NLGN1: variants seen among roughly 807,000 people sequenced by gnomAD.
NLGN1 encodes the protein neuroligin-1.
NLGN1 carries 12 observed loss-of-function variants against 65.5 expected under a neutral mutation model. That is an observed-to-expected ratio of 0.18 (90% CI 0.12 to 0.30). The LOEUF is 0.30. NLGN1 is among the 10% of genes least tolerant of loss of function. The probability of loss-of-function intolerance (pLI) is 1.00; values close to 1 mark genes in which losing one functional copy is unlikely to be tolerated. For synonymous variants in NLGN1, 350 were observed against 359.5 expected, an observed-to-expected ratio of 0.97 and a Z score of 0.30; for missense variants, 750 against 1,007.1, an observed-to-expected ratio of 0.74 and a Z score of 3.46.
intron 3 of NLGN1, among the ~76,000 whole-genome samples, chr3:173,701,968 G>C (rs1490147059): frequency 6.6e-6 from 1 of 152,114 alleles, no homozygotes; most frequent in Admixed American, 6.5e-5. Context: ...GGCCGGGCGC[G>C]GTGGCTCACG....
Position 173,499,670 on chromosome 3 carries a change from T to A in NLGN1, c.-321+64592T>A, listed in dbSNP as rs1465344564. ...CAGTGTGGCCATTTTCACGATATTG[T>A]TTCTTCCTACCCATGAGCATGGGAT... On this transcript the variant is annotated intron_variant, in intron 2 of 6. Coordinates refer to ENST00000457714, the Ensembl canonical transcript of NLGN1. Among the ~76,000 whole-genome samples the A allele has an allele frequency of 3.1e-4, 47 of 151,574 alleles. 3 individuals carry two copies. Among genetic ancestry groups the A allele is most frequent in the African/African-American group, 8.8e-4 (36 of 40,920 alleles).
chr3:173,861,578 A>G (rs1175012065), intron 4 of NLGN1, among the ~76,000 whole-genome samples: 1 of 150,546 alleles, frequency 6.6e-6, no homozygotes, highest in Non-Finnish European at 1.5e-5. Context: ...ACACATATAT[A>G]TACACACACA....
At chr3:173,580,255 A>G (rs533963787) in intron 2 of NLGN1, among the ~76,000 whole-genome samples, 2 of 152,076 alleles carry the variant, frequency 1.3e-5, no homozygotes, top group Non-Finnish European at 2.9e-5. Context: ...TCAATCCATC[A>G]TTTTCTATTT....
intron 3 of NLGN1, among the ~76,000 whole-genome samples, chr3:173,629,843 G>T (rs1755404567): frequency 1.3e-5 from 2 of 152,076 alleles, no homozygotes; most frequent in South Asian, 4.1e-4. Context: ...CCACTTCAGA[G>T]TTTATCAGAC....
intron 2 of NLGN1, among the ~76,000 whole-genome samples, chr3:173,550,631 ACC>A: frequency 3.2e-5 from 1 of 31,708 alleles, no homozygotes; most frequent in African/African-American, 1.9e-4. Flanking sequence ...CACATTTGTA[ACC>A]TGCAATGTCT....
At chr3:173,482,621 C>T (rs75563775) in intron 2 of NLGN1, among the ~76,000 whole-genome samples, 2,186 of 151,758 alleles carry the variant, frequency 0.014, 55 homozygotes, top group African/African-American at 0.05. Context: ...ACATTTCTCT[C>T]GGAGGCTATT....
In NLGN1 at chr3:173,422,397, C is replaced by G. The variant is rs114501633; in HGVS notation, c.-389-12613C>G. Among the ~76,000 whole-genome samples the G allele has an allele frequency of 3.2e-3, 491 of 152,288 alleles. 1 individual carries two copies. Among genetic ancestry groups the G allele is most frequent in the Middle Eastern group, 0.017 (5 of 294 alleles). On this transcript the variant is annotated intron_variant, in intron 1 of 6. Coordinates refer to ENST00000457714, the Ensembl canonical transcript of NLGN1. ...AAAAATACTATATGATCTAGCAATC[C>G]TGACTCCATACCTTAGCTGCTATGA...
intron 3 of NLGN1, among the ~76,000 whole-genome samples, chr3:173,754,024 C>CTTTTTTTTTTTTT (rs71162358): frequency 1.8e-4 from 22 of 121,620 alleles, no homozygotes; most frequent in African/African-American, 2.4e-4. Flanking sequence ...TCTTTCTTTT[C>CTTTTTTTTTTTTT]TTTTTTTTTT....
chr3:173,489,529 G>A (rs1391676715), intron 2 of NLGN1, among the ~76,000 whole-genome samples: 3 of 152,248 alleles, frequency 2.0e-5, no homozygotes, highest in Admixed American at 1.3e-4. Context: ...ATTGTGAATA[G>A]TGTTGCAATA....
intron 2 of NLGN1, among the ~76,000 whole-genome samples, chr3:173,496,077 TAC>T (rs1473653400): frequency 6.6e-6 from 1 of 151,804 alleles, no homozygotes; most frequent in Non-Finnish European, 1.5e-5. Flanking sequence ...GATTTTGTGC[TAC>T]CAATTATACT....
chr3:173,526,239 C>T (rs1735620983), intron 2 of NLGN1, among the ~76,000 whole-genome samples: 1 of 151,880 alleles, frequency 6.6e-6, no homozygotes, highest in African/African-American at 2.4e-5. Flanking sequence ...GTTTGTAAAC[C>T]TCGGTACTCC....
At chr3:173,490,050 A>C (rs1392967247) in intron 2 of NLGN1, among the ~76,000 whole-genome samples, 1 of 152,020 alleles carries the variant, frequency 6.6e-6, no homozygotes, top group African/African-American at 2.4e-5. Flanking sequence ...GTTCACTCTG[A>C]TGGTAGTTTC....
rs3035853 is a variant in NLGN1, at chr3:174,181,778, T to TACACACACACACACACACACAC, written c.647-93529_647-93508dup. On this transcript the variant is annotated intron_variant, in intron 4 of 6. Transcript: ENST00000457714. Reference sequence around the variant, plus strand: ...ACCCTGTCTCTCCAAAAAATAAAAATACACACACACACACACACACACACA... The same window carrying TACACACACACACACACACACAC: ...ACCCTGTCTCTCCAAAAAATAAAAATACACACACACACACACACACACACACACACACACACACACACACACA... Among the ~76,000 whole-genome samples, 142 of 142,668 alleles carry TACACACACACACACACACACAC rather than the reference T, an allele frequency of 1.0e-3. 1 individual carries two copies. The highest frequency in any genetic ancestry group is 1.5e-3 in the African/African-American group (56 of 37,916). 93.6% of individuals were successfully genotyped at this position (142,668 alleles called of 152,430 possible). A position where few individuals can be genotyped will look rare whatever the true frequency, so the allele number is the denominator to read the frequency against.
intron 4 of NLGN1, among the ~76,000 whole-genome samples, chr3:173,893,260 A>G (rs1735688449): frequency 6.6e-6 from 1 of 152,176 alleles, no homozygotes; most frequent in South Asian, 2.1e-4. Context: ...TGGGAAGACA[A>G]AGAATTGTGG....
chr3:173,574,074 A>AG (rs1398659361), intron 2 of NLGN1, among the ~76,000 whole-genome samples: 1 of 150,942 alleles, frequency 6.6e-6, no homozygotes, highest in Non-Finnish European at 1.5e-5. Flanking sequence ...AAAAAAAAAA[A>AG]AAAAAAAAAG....
intron 2 of NLGN1, among the ~76,000 whole-genome samples, chr3:173,579,041 A>G (rs1745983200): frequency 6.6e-6 from 1 of 152,232 alleles, no homozygotes; most frequent in Admixed American, 6.5e-5. Context: ...AGTTTTTAAC[A>G]AGTCAGAATT....
At chr3:174,195,567 TAGTG>T (rs1327591195) in intron 4 of NLGN1, among the ~76,000 whole-genome samples, 2 of 152,172 alleles carry the variant, frequency 1.3e-5, no homozygotes, top group African/African-American at 2.4e-5. Context: ...GACTTGGACT[TAGTG>T]AGGGATTAGA....
At chr3:173,751,786 C>G (rs1776334729) in intron 3 of NLGN1, among the ~76,000 whole-genome samples, 1 of 152,098 alleles carries the variant, frequency 6.6e-6, no homozygotes, top group African/African-American at 2.4e-5. Flanking sequence ...ACTCCAGACA[C>G]TATGCTAAGA....
At chr3:173,602,020 A>G (rs994030446) in intron 2 of NLGN1, among the ~76,000 whole-genome samples, 7 of 152,072 alleles carry the variant, frequency 4.6e-5, no homozygotes, top group African/African-American at 1.7e-4. Flanking sequence ...TGCGGTGATC[A>G]TAAGGATGGC....
Sources: allele counts gnomAD v4.1 joint callset (sites outside exome capture counted in the v4.1 genomes callset), GRCh38; gene constraint gnomAD v4.1.1; transcripts MANE v1.5; gene names NCBI Gene and HGNC (gene_info 2026-07-23, HGNC 2026-07-21).